Variants in SEC16B observed in about 807,000 individuals in gnomAD.
SEC16B encodes protein transport protein Sec16B.
A neutral mutation model predicts 141.8 loss-of-function variants in SEC16B; 115 were observed. The observed-to-expected ratio is 0.81, with a 90% CI of 0.70 to 0.95. SEC16B has a LOEUF of 0.95. Ranked by LOEUF, SEC16B falls within the 40% of genes least tolerant of loss-of-function variation. The pLI, the probability that SEC16B is intolerant of heterozygous loss-of-function variation, is 0.00. For synonymous variants in SEC16B, 493 were observed against 492.5 expected (o/e 1.00, Z -0.01); for missense variants, 1,291 against 1,312.3 (o/e 0.98, Z 0.25).
intron 5 of SEC16B, among the ~76,000 whole-genome samples, chr1:177,963,343 G>C (rs12136181): frequency 0.19 from 29,268 of 151,488 alleles, 3,370 homozygotes; most frequent in African/African-American, 0.31. Context: ...GGTGGCTCAG[G>C]CCTGTAATCC....
intron 1 of SEC16B, among the ~76,000 whole-genome samples, chr1:177,978,710 A>G (rs911968427): frequency 1.0e-4 from 14 of 138,052 alleles, no homozygotes; most frequent in African/African-American, 2.4e-4. Flanking sequence ...CAAATAAATA[A>G]ATAAATAAAT....
chr1:177,955,205 A>G (rs1051180577), intron 10 of SEC16B, among the ~76,000 whole-genome samples: 3 of 151,598 alleles, frequency 2.0e-5, no homozygotes, highest in Non-Finnish European at 4.4e-5. Context: ...TTTCAATAAG[A>G]GAAATGCAGG....
At chr1:177,968,622 T>C (rs1420283790) in intron 1 of SEC16B, among the ~76,000 whole-genome samples, 1 of 152,184 alleles carries the variant, frequency 6.6e-6, no homozygotes, top group South Asian at 2.1e-4. Context: ...GCTCAATAAA[T>C]AGCAGTGTTA....
chr1:177,947,984 A>G (rs1651865859), intron 12 of SEC16B, 42 bp from the exon 13 acceptor site: 1 of 1,392,398 alleles, frequency 7.2e-7, no homozygotes, highest in Non-Finnish European at 1.0e-6. Context: ...TCATTTAAGA[A>G]TGGCCAGATG....
chr1:177,953,372 C>T (rs1281636524), intron 11 of SEC16B, among the ~76,000 whole-genome samples: 1 of 152,158 alleles, frequency 6.6e-6, no homozygotes, highest in African/African-American at 2.4e-5. Context: ...ATTAGTTCAG[C>T]TGAGAGGATA....
chr1:177,952,676 A>G (rs896463725), intron 11 of SEC16B, among the ~76,000 whole-genome samples: 1 of 152,210 alleles, frequency 6.6e-6, no homozygotes, highest in Non-Finnish European at 1.5e-5. Flanking sequence ...CAATGGCCCA[A>G]GGCAAAAATC....
At chr1:177,931,561 T>C (rs899545276) in intron 24 of SEC16B, among the ~76,000 whole-genome samples, 1 of 152,122 alleles carries the variant, frequency 6.6e-6, no homozygotes, top group Non-Finnish European at 1.5e-5. Context: ...CAAAAACCAC[T>C]TGTGCCCCAA....
rs1210512287 is a variant in SEC16B, at chr1:177,930,562, G to T, written c.3094C>A (p.Pro1032Thr). The change falls in exon 25 of 26, where the codon CCA becomes ACA. Residue 1032 changes from proline (P) to threonine (T), a missense_variant. Pro to Thr is a conservative substitution (Grantham distance 38, BLOSUM62 -1). Transcript: ENST00000308284. The stretch of plus-strand genomic sequence containing the variant: ...TTCCTTACCTGAGGCACCTGAGATG[G>T]GTTGTAAAGAGGAACAGCCCCTTTT... ...ALKGAVPLYN[P>T]SQVPQLPTAT... The T allele has an allele frequency of 1.2e-6, 2 of 1,613,554 alleles. No homozygotes were observed. The highest frequency in any genetic ancestry group is 3.3e-5 in the Admixed American group (2 of 60,010).
At chr1:177,977,869 T>C (rs937926177) in intron 1 of SEC16B, among the ~76,000 whole-genome samples, 2 of 152,226 alleles carry the variant, frequency 1.3e-5, no homozygotes, top group Non-Finnish European at 2.9e-5. Context: ...GAGCCCATCT[T>C]TTAAATGAAA....
At chr1:177,961,970 G>GC (rs1393738276) in intron 5 of SEC16B, among the ~76,000 whole-genome samples, 1 of 152,196 alleles carries the variant, frequency 6.6e-6, no homozygotes, top group Non-Finnish European at 1.5e-5. Context: ...ATACTCAGCT[G>GC]CTGTGCCCCT....
In SEC16B at chr1:177,965,152, C is replaced by CTCCGT; in HGVS notation, c.423_427dup (p.Ser143AsnfsTer133). On this transcript the variant is annotated frameshift_variant, in exon 4 of 26. Coordinates refer to ENST00000308284, the MANE Select transcript of SEC16B (RefSeq NM_033127.4). LOFTEE classifies it high-confidence loss of function. ...GTAATCTTCGTGCCAGATATAAGGA[C>CTCCGT]TCCGTTGCCTTGGCACTGCACCCTC... The CTCCGT allele has an allele frequency of 2.5e-6, 4 of 1,613,456 alleles. No homozygotes were observed. The highest frequency in any genetic ancestry group is 3.4e-6 in the Non-Finnish European group (4 of 1,179,698).
intron 5 of SEC16B, among the ~76,000 whole-genome samples, chr1:177,963,475 C>A (rs1252667745): frequency 6.6e-6 from 1 of 151,944 alleles, no homozygotes; most frequent in Non-Finnish European, 1.5e-5. Context: ...TGGTGGCAGG[C>A]ACCTGTAATC....
At position 177,939,483 on chromosome 1, in the gene SEC16B, T is replaced by C. The variant is rs1196886157; in HGVS notation, c.2203+219A>G. 3.9e-5 allele frequency among the ~76,000 whole-genome samples: 6 copies of C among 152,202 alleles called. No homozygotes were observed. The East Asian group carries it at 1.2e-3, about 29-fold the overall frequency. On this transcript the variant is annotated intron_variant, in intron 18 of 25. Coordinates refer to ENST00000308284, the MANE Select transcript of SEC16B (RefSeq NM_033127.4). Reference sequence around the variant, plus strand: ...CTCAGATATTTAAAAACCTGAATCATGAAGCAGAAGCTCAGACTGAGGGAA... The same window carrying C: ...CTCAGATATTTAAAAACCTGAATCACGAAGCAGAAGCTCAGACTGAGGGAA...
chr1:177,932,509 C>CCA lies in SEC16B; in HGVS notation c.2991_2992dup (p.Gly998ValfsTer27). The CCA allele has an allele frequency of 1.3e-6, 2 of 1,549,422 alleles. No individual in the cohort carries two copies. The highest frequency in any genetic ancestry group is 4.9e-5 in the East Asian group (2 of 40,936). ...GCTTACCTCTGGTCCAGACAAGCCT[C>CCA]CAACCCCAGCGCCCGCAGCTGCTCC... On this transcript the variant is annotated frameshift_variant, in exon 24 of 26. Coordinates refer to ENST00000308284, the MANE Select transcript of SEC16B (RefSeq NM_033127.4). LOFTEE classifies it high-confidence loss of function.
intron 19 of SEC16B, among the ~76,000 whole-genome samples, chr1:177,936,783 G>T (rs537061817): frequency 6.6e-6 from 1 of 152,172 alleles, no homozygotes; most frequent in Non-Finnish European, 1.5e-5. Context: ...CCTTGTTGTC[G>T]AAGGTCTGAT....
At chr1:177,959,404 T>A in intron 8 of SEC16B, 1 of 232,904 alleles carries the variant, frequency 4.3e-6, no homozygotes, top group Non-Finnish European at 8.6e-6. Flanking sequence ...TAGAAAATTG[T>A]GTGGCATATA....
At chr1:177,960,729 C>T in intron 7 of SEC16B, 62 bp downstream of exon 7, 1 of 1,501,714 alleles carries the variant, frequency 6.7e-7, no homozygotes, top group South Asian at 1.3e-5. Context: ...GCAAGGTAAG[C>T]ATGTTAGGAG....
intron 19 of SEC16B, among the ~76,000 whole-genome samples, chr1:177,936,910 C>T (rs529524712): frequency 3.9e-5 from 6 of 152,252 alleles, no homozygotes; most frequent in Admixed American, 3.9e-4. Flanking sequence ...ATTTTTCCAC[C>T]CTGTAATCTC....
At chr1:177,962,383 T>C (rs1170877395) in intron 5 of SEC16B, among the ~76,000 whole-genome samples, 1 of 151,386 alleles carries the variant, frequency 6.6e-6, no homozygotes, top group Non-Finnish European at 1.5e-5. Flanking sequence ...CTTCATTGAC[T>C]GTTTAATGAG....
Sources: gnomAD v4.1 joint callset for allele counts (sites outside exome capture counted in the v4.1 genomes callset) on GRCh38, gnomAD v4.1.1 for gene constraint, MANE v1.5 for transcripts, NCBI Gene and HGNC (gene_info 2026-07-23, HGNC 2026-07-21) for gene names.